The following SFSWAP variants were observed in gnomAD, a reference collection of about 807,000 sequenced individuals.
SFSWAP encodes the protein splicing factor, suppressor of white-apricot homolog.
SFSWAP carries 17 observed loss-of-function variants against 100.7 expected under a neutral mutation model. That is an observed-to-expected ratio of 0.17 (90% CI 0.12 to 0.25). SFSWAP has a LOEUF of 0.25. Ranked by LOEUF, SFSWAP falls within the 10% of genes least tolerant of loss-of-function variation. The pLI, the probability that SFSWAP is intolerant of heterozygous loss-of-function variation, is 1.00. For missense variants in SFSWAP, 1,005 were observed against 1,262.6 expected, an observed-to-expected ratio of 0.80 and a Z score of 3.09; for synonymous variants, 504 against 510.1, an observed-to-expected ratio of 0.99 and a Z score of 0.16.
chr12:131,787,296 G>A (rs995640320), intron 15 of SFSWAP, among the ~76,000 whole-genome samples: 1 of 141,196 alleles, frequency 7.1e-6, no homozygotes, highest in East Asian at 1.9e-4. Context: ...CCATCTGTCC[G>A]CTCACCCCGG....
At chr12:131,727,776 C>T (rs994862747) in intron 6 of SFSWAP, among the ~76,000 whole-genome samples, 2 of 152,162 alleles carry the variant, frequency 1.3e-5, no homozygotes, top group African/African-American at 4.8e-5. Flanking sequence ...CTAATTCTCC[C>T]CTCATCTGTG....
Position 131,714,957 on chromosome 12 carries a change from A to G in SFSWAP, c.520+4A>G, listed in dbSNP as rs1253400282. ...GAGGAGCCTTCCAAACAGAGAGGTG[A>G]GTGGGGAGCTGCCTGGACTGCTGGT... On this transcript the variant is annotated splice_donor_region_variant and intron_variant, in intron 3 of 17. Coordinates refer to ENST00000261674, the MANE Select transcript of SFSWAP (RefSeq NM_004592.4). This position sits in a 1 kb window ranked among gnomAD's most constrained non-coding sequence, Gnocchi z 6.0. 6 of 1,613,686 alleles carry G rather than the reference A, an allele frequency of 3.7e-6. No homozygotes were observed. The highest frequency in any genetic ancestry group is 5.1e-6 in the Non-Finnish European group (6 of 1,179,988).
At position 131,753,036 on chromosome 12, in the gene SFSWAP, G is replaced by A. The variant is rs1413363830; in HGVS notation, c.1082-87G>A. On this transcript the variant is annotated intron_variant, in intron 7 of 17. Transcript: ENST00000261674. ...AGCAGAGGCAAGGCTGCATCTTGCCGGGGGAAGGGCTCTTGTGGCTGCATT... is the reference window on the plus strand; with the variant it reads ...AGCAGAGGCAAGGCTGCATCTTGCCAGGGGAAGGGCTCTTGTGGCTGCATT... 2.2e-5 allele frequency: 35 copies of A among 1,561,440 alleles called. 1 individual carries two copies. Among genetic ancestry groups the A allele is most frequent in the South Asian group, 1.8e-4 (15 of 83,758 alleles).
chr12:131,748,566 T>C (rs1235018648), intron 7 of SFSWAP, among the ~76,000 whole-genome samples: 4 of 152,226 alleles, frequency 2.6e-5, no homozygotes, highest in African/African-American at 9.6e-5. Flanking sequence ...GCACAGGAGT[T>C]CTGTTCTGTG....
chr12:131,738,307 C>G (rs1202591408), intron 7 of SFSWAP, among the ~76,000 whole-genome samples: 1 of 152,084 alleles, frequency 6.6e-6, no homozygotes, highest in Non-Finnish European at 1.5e-5. Flanking sequence ...AAAAATGTTA[C>G]CCAGGATTCC....
intron 14 of SFSWAP, chr12:131,785,260 T>C: frequency 6.6e-7 from 1 of 1,510,612 alleles, no homozygotes; most frequent in South Asian, 1.2e-5. Context: ...TATCATCTGT[T>C]CTGTAAATCT....
intron 5 of SFSWAP, among the ~76,000 whole-genome samples, chr12:131,726,533 C>T (rs1878998931): frequency 6.6e-6 from 1 of 152,216 alleles, no homozygotes; most frequent in South Asian, 2.1e-4. Context: ...CTGTTCTCTT[C>T]AGCCAAAATA....
rs527286343 is a variant in SFSWAP, at chr12:131,798,955, C to T, written c.2718-82C>T. ...ACTTCTCAGTTCTAGAGTTGGGGTT[C>T]GGAGGTGGGGATGCTGTTCACTGGC... On this transcript the variant is annotated intron_variant, in intron 16 of 17. Transcript: ENST00000261674. 210 of 964,912 alleles carry T rather than the reference C, an allele frequency of 2.2e-4. 2 individuals carry two copies. In the South Asian group the frequency reaches 2.6e-3, roughly 12 times the overall value. The allele number at this position is 964,912 out of a possible 1,614,324, so 59.8% of individuals were successfully genotyped here. A position where few individuals can be genotyped will look rare whatever the true frequency, so the allele number is the denominator to read the frequency against.
chr12:131,757,791 T>C (rs1882314141), intron 11 of SFSWAP, among the ~76,000 whole-genome samples: 2 of 152,154 alleles, frequency 1.3e-5, no homozygotes, highest in Admixed American at 6.5e-5. Context: ...TCGAGTAGGT[T>C]ACCTGAGCAC....
At chr12:131,749,322 C>G (rs1881412609) in intron 7 of SFSWAP, among the ~76,000 whole-genome samples, 1 of 152,206 alleles carries the variant, frequency 6.6e-6, no homozygotes, top group African/African-American at 2.4e-5. Context: ...GCAGGAGCCC[C>G]TTGGCACACT....
chr12:131,712,611 A>G (rs1270983181), intron 1 of SFSWAP: 1 of 152,192 alleles, frequency 6.6e-6, no homozygotes, highest in African/African-American at 2.4e-5. Context: ...TAATGACCAA[A>G]TAGGCCTTTT....
Position 131,714,688 on chromosome 12 carries a change from A to G in SFSWAP, c.389-134A>G. 1 of 770,946 alleles carries G rather than the reference A, an allele frequency of 1.3e-6. No homozygotes were observed. The highest frequency in any genetic ancestry group is 2.1e-6 in the Non-Finnish European group (1 of 485,468). The allele number at this position is 770,946 out of a possible 1,614,324, so 47.8% of individuals were successfully genotyped here. ...GATAGATATAAAGTGTGAATTTTTA[A>G]AACTATTTTACCTCAAAAGTAGGTT... is the stretch of plus-strand genomic sequence containing the variant. On this transcript the variant is annotated intron_variant, in intron 2 of 17. Coordinates refer to ENST00000261674, the MANE Select transcript of SFSWAP (RefSeq NM_004592.4). This position sits in a 1 kb window ranked among gnomAD's most constrained non-coding sequence, Gnocchi z 6.0.
intron 16 of SFSWAP, among the ~76,000 whole-genome samples, chr12:131,798,117 T>C (rs964660719): frequency 1.3e-5 from 2 of 151,744 alleles, no homozygotes; most frequent in Non-Finnish European, 2.9e-5. Flanking sequence ...AGGGCAGGAA[T>C]TTGAGACCAG....
chr12:131,741,569 C>T (rs776954517), intron 7 of SFSWAP, among the ~76,000 whole-genome samples: 15 of 149,920 alleles, frequency 1.0e-4, no homozygotes, highest in Admixed American at 2.0e-4. Flanking sequence ...GGGAGGGCAT[C>T]GAGGAGTTCC....
chr12:131,782,842 T>G lies in SFSWAP; in HGVS notation c.2409-3621T>G, dbSNP rs968453824. Reference sequence around the variant, plus strand: ...TTTTGGAAAATCACTATGTTGCTTCTCAAAAAGTATACTAGTTACGACAAG... The same window carrying G: ...TTTTGGAAAATCACTATGTTGCTTCGCAAAAAGTATACTAGTTACGACAAG... On this transcript the variant is annotated intron_variant, in intron 14 of 17. Coordinates refer to ENST00000261674, the MANE Select transcript of SFSWAP (RefSeq NM_004592.4). Among the ~76,000 whole-genome samples, 29 of 152,160 alleles carry G rather than the reference T, an allele frequency of 1.9e-4. 1 individual carries two copies. The highest frequency in any genetic ancestry group is 1.9e-3 in the Admixed American group (29 of 15,276).
At chr12:131,727,148 A>G in intron 6 of SFSWAP, 96 bp downstream of exon 6, 1 of 727,534 alleles carries the variant, frequency 1.4e-6, no homozygotes. Context: ...CTTGTGTGTT[A>G]CAGTTGTATC....
chr12:131,728,449 T>TCCTG (rs768946019), intron 7 of SFSWAP, 21 bp downstream of exon 7: 1 of 1,608,254 alleles, frequency 6.2e-7, no homozygotes, highest in South Asian at 1.1e-5. Flanking sequence ...ACTGTGTATG[T>TCCTG]CCTGACCTGT....
At position 131,714,111 on chromosome 12, in the gene SFSWAP, G is replaced by A. The variant is rs1315447948; in HGVS notation, c.259G>A (p.Asp87Asn). The change falls in exon 2 of 18, where the codon GAT becomes AAT. Residue 87 changes from aspartate (D) to asparagine (N), a missense_variant. Asp to Asn is a conservative substitution (Grantham distance 23, BLOSUM62 1). Around this residue, in one of 7 missense-constraint regions of SFSWAP, gnomAD observed 237 missense variants for 337.0 expected, o/e 0.70. Coordinates refer to ENST00000261674, the MANE Select transcript of SFSWAP (RefSeq NM_004592.4). This position sits in a 1 kb window ranked among gnomAD's most constrained non-coding sequence, Gnocchi z 6.0. ...TCACCTGCATGACCTTTCTGAGTAC[G>A]ATGCTGAGTATTCCACGTGGAACAG... is the stretch of plus-strand genomic sequence containing the variant. ...RGHLHDLSEY[D>N]AEYSTWNRDY... 7 of 1,613,718 alleles carry A rather than the reference G, an allele frequency of 4.3e-6. No individual in the cohort carries two copies. The highest frequency in any genetic ancestry group is 5.1e-6 in the Non-Finnish European group (6 of 1,179,928).
intron 9 of SFSWAP, 128 bp downstream of exon 9, chr12:131,754,627 C>CTTTTTTTTTTTT (rs869226840): frequency 6.3e-5 from 5 of 79,840 alleles, no homozygotes; most frequent in African/African-American, 1.8e-4. Context: ...GCTCAAATGT[C>CTTTTTTTTTTTT]TTTTTTTTTT....
Sources: allele counts gnomAD v4.1 joint callset (sites outside exome capture counted in the v4.1 genomes callset), GRCh38; gene constraint gnomAD v4.1.1; regional missense constraint gnomAD v4.1.1; non-coding constraint Gnocchi (gnomAD v3.1); transcripts MANE v1.5; gene names NCBI Gene and HGNC (gene_info 2026-07-23, HGNC 2026-07-21).